Variants in ZFHX3 observed in about 807,000 individuals in gnomAD.
The protein encoded by ZFHX3 is zinc finger homeobox protein 3.
ZFHX3 carries 42 observed loss-of-function variants against 279.1 expected under a neutral mutation model. That is an observed-to-expected ratio of 0.15 (90% CI 0.12 to 0.19). The LOEUF is 0.19. Ranked by LOEUF, ZFHX3 falls within the 10% of genes least tolerant of loss-of-function variation. The pLI is 1.00. For synonymous variants in ZFHX3, 2,293 were observed against 1,957.8 expected (o/e 1.17, Z -4.52); for missense variants, 4,981 against 4,754.0 (o/e 1.05, Z -1.40).
intron 5 of ZFHX3, among the ~76,000 whole-genome samples, chr16:73,172,931 G>T (rs867045592): frequency 2.9e-4 from 28 of 97,158 alleles, no homozygotes; most frequent in South Asian, 1.2e-3. Flanking sequence ...GCTGCCTGTG[G>T]TTTTTTTTTT....
chr16:73,107,882 C>T (rs8051940), intron 7 of ZFHX3, among the ~76,000 whole-genome samples: 9,958 of 152,220 alleles, frequency 0.065, 500 homozygotes, highest in African/African-American at 0.13. Context: ...TGGGTATGGG[C>T]TGGGCGCAGT....
rs568576216 is a variant in ZFHX3, at chr16:73,682,852, GAGAAAGAAAGAAAGAA to G, written c.-1607-2628_-1607-2613del. ...GGAGAGAGAGAGAGAAAAAAAGAAA[GAGAAAGAAAGAAAGAA>G]AGAAAGAAAGAAAGAAAGAAAGAAA... On this transcript the variant is annotated intron_variant, in intron 1 of 17. Transcript: ENST00000641206. Among the ~76,000 whole-genome samples the G allele has an allele frequency of 2.4e-4, 19 of 80,094 alleles. 1 individual carries two copies. The highest frequency in any genetic ancestry group is 8.4e-4 in the Admixed American group (5 of 5,970). 52.5% of individuals were successfully genotyped at this position (80,094 alleles called of 152,430 possible). A position where few individuals can be genotyped will look rare whatever the true frequency, so the allele number is the denominator to read the frequency against.
intron 1 of ZFHX3, among the ~76,000 whole-genome samples, chr16:73,690,151 A>G (rs576065444): frequency 6.6e-5 from 10 of 152,262 alleles, no homozygotes; most frequent in African/African-American, 2.4e-4. Context: ...TCCTGACCTC[A>G]GACAATCCTC....
intron 3 of ZFHX3, among the ~76,000 whole-genome samples, chr16:73,358,323 G>C (rs1446920885): frequency 6.6e-6 from 1 of 152,224 alleles, no homozygotes; most frequent in East Asian, 1.9e-4. Flanking sequence ...AGGTCACAAA[G>C]GACAGCGGCC....
chr16:72,912,051 A>G (rs1344399516), intron 3 of ZFHX3, among the ~76,000 whole-genome samples: 2 of 152,234 alleles, frequency 1.3e-5, no homozygotes, highest in Non-Finnish European at 2.9e-5. Flanking sequence ...AACAAAGCAG[A>G]AAACGGGAGG....
intron 1 of ZFHX3, among the ~76,000 whole-genome samples, chr16:73,749,323 T>C (rs1161570306): frequency 1.3e-5 from 2 of 150,734 alleles, no homozygotes; most frequent in Non-Finnish European, 2.9e-5. Flanking sequence ...CCCGATAATA[T>C]CGCAACCACC....
intron 2 of ZFHX3, among the ~76,000 whole-genome samples, chr16:73,575,651 C>A (rs1199506955): frequency 2.0e-5 from 3 of 152,128 alleles, no homozygotes; most frequent in Non-Finnish European, 2.9e-5. Context: ...GGGAGAAAAT[C>A]TGTGCTCCTT....
chr16:73,572,831 A>C (rs1018416006), intron 2 of ZFHX3, among the ~76,000 whole-genome samples: 2 of 152,178 alleles, frequency 1.3e-5, no homozygotes, highest in Admixed American at 1.3e-4. Flanking sequence ...AAAGCACTCT[A>C]TCAACCTAAA....
intron 8 of ZFHX3, among the ~76,000 whole-genome samples, chr16:73,074,822 A>G (rs778659687): frequency 6.6e-6 from 1 of 151,512 alleles, no homozygotes; most frequent in Non-Finnish European, 1.5e-5. Context: ...TTTATTTGAG[A>G]CAGGGTCAGG....
chr16:72,796,541 A>AGGG lies in ZFHX3; in HGVS notation c.6138_6140dup (p.Pro2050dup). ...GCGGCGCTGCCGGAAGTGGGGGTGG[A>AGGG]GGGGGTGGAGGGGGAGGTGGTGGTG... On this transcript the variant is annotated inframe_insertion, in exon 9 of 10. Coordinates refer to ENST00000268489, the MANE Select transcript of ZFHX3 (RefSeq NM_006885.4). 3 of 187,804 alleles carry AGGG rather than the reference A, an allele frequency of 1.6e-5. No individual in the cohort carries two copies. The highest frequency in any genetic ancestry group is 9.6e-5 in the South Asian group (2 of 20,736). 11.6% of individuals were successfully genotyped at this position (187,804 alleles called of 1,614,324 possible).
intron 5 of ZFHX3, among the ~76,000 whole-genome samples, chr16:73,179,503 CCAAAT>C (rs1967743749): frequency 6.6e-6 from 1 of 151,984 alleles, no homozygotes; most frequent in Non-Finnish European, 1.5e-5. Context: ...AGCACAAGTG[CCAAAT>C]AAATAAGTGC....
intron 3 of ZFHX3, among the ~76,000 whole-genome samples, chr16:73,386,511 T>A (rs1485415435): frequency 6.6e-6 from 1 of 152,328 alleles, no homozygotes; most frequent in African/African-American, 2.4e-5. Flanking sequence ...ATAAAAATAA[T>A]ATTACGGACA....
chr16:73,708,566 G>C (rs1378649016), intron 1 of ZFHX3, among the ~76,000 whole-genome samples: 3 of 152,192 alleles, frequency 2.0e-5, no homozygotes, highest in African/African-American at 7.2e-5. Flanking sequence ...CATCAGAACT[G>C]TTATCACATT....
chr16:73,068,974 C>A (rs1965790578), intron 8 of ZFHX3, among the ~76,000 whole-genome samples: 1 of 152,212 alleles, frequency 6.6e-6, no homozygotes, highest in South Asian at 2.1e-4. Context: ...ACTGACCACC[C>A]CTTTGGGCGC....
intron 1 of ZFHX3, among the ~76,000 whole-genome samples, chr16:73,870,360 G>A (rs1962128361): frequency 6.6e-6 from 1 of 152,142 alleles, no homozygotes; most frequent in Admixed American, 6.5e-5. Context: ...TGGGAATCAC[G>A]AAGCGTCCGC....
At chr16:73,583,798 T>C (rs2051886774) in intron 2 of ZFHX3, among the ~76,000 whole-genome samples, 1 of 152,068 alleles carries the variant, frequency 6.6e-6, no homozygotes, top group African/African-American at 2.4e-5. Flanking sequence ...CAAAACCCAA[T>C]AAACAGAGTA....
At chr16:73,335,034 G>C (rs1331369211) in intron 3 of ZFHX3, among the ~76,000 whole-genome samples, 1 of 151,822 alleles carries the variant, frequency 6.6e-6, no homozygotes, top group Non-Finnish European at 1.5e-5. Flanking sequence ...AGCAAATGTA[G>C]AACCAATTAT....
chr16:73,246,273 G>A (rs898827021), intron 5 of ZFHX3, among the ~76,000 whole-genome samples: 5 of 152,156 alleles, frequency 3.3e-5, no homozygotes, highest in Non-Finnish European at 7.3e-5. Context: ...GCAGCATCAG[G>A]TGAGTGCTGG....
intron 1 of ZFHX3, among the ~76,000 whole-genome samples, chr16:73,839,673 T>C (rs1961248337): frequency 2.6e-5 from 4 of 152,176 alleles, no homozygotes; most frequent in Admixed American, 2.6e-4. Flanking sequence ...TCTCTTCACT[T>C]CCCTAAGTCA....
Sources: gnomAD v4.1 joint callset for allele counts (sites outside exome capture counted in the v4.1 genomes callset) on GRCh38, gnomAD v4.1.1 for gene constraint, MANE v1.5 for transcripts, NCBI Gene and HGNC (gene_info 2026-07-23, HGNC 2026-07-21) for gene names.